The following PPP1R3A variants were observed in gnomAD, a reference collection of about 807,000 sequenced individuals.
PPP1R3A encodes RG1.
In PPP1R3A, 29 loss-of-function variants were observed where a neutral mutation model predicts 41.7. That is an observed-to-expected ratio of 0.70 (90% CI 0.52 to 0.95). The LOEUF (loss-of-function observed/expected upper bound fraction) is 0.95. PPP1R3A is among the 40% of genes least tolerant of loss of function. The pLI is 0.00. For synonymous variants in PPP1R3A, 485 were observed against 453.4 expected (o/e 1.07, Z -0.89); for missense variants, 1,352 against 1,292.4 (o/e 1.05, Z -0.71).
chr7:113,892,987 AAATAC>A (rs1796918541), intron 1 of PPP1R3A, among the ~76,000 whole-genome samples: 1 of 151,976 alleles, frequency 6.6e-6, no homozygotes, highest in Non-Finnish European at 1.5e-5. Context: ...AGAAGGCCAC[AAATAC>A]AATACACTCA....
chr7:113,910,187 C>A (rs1797220919), intron 1 of PPP1R3A, among the ~76,000 whole-genome samples: 1 of 152,000 alleles, frequency 6.6e-6, no homozygotes. Flanking sequence ...CCTGGCCCCA[C>A]CCTTAACACG....
intron 1 of PPP1R3A, among the ~76,000 whole-genome samples, chr7:113,904,105 C>T (rs1406861673): frequency 1.3e-5 from 2 of 151,682 alleles, no homozygotes; most frequent in Non-Finnish European, 2.9e-5. Flanking sequence ...GCTAACTTCT[C>T]ATGTGTACAA....
intron 1 of PPP1R3A, among the ~76,000 whole-genome samples, chr7:113,886,345 A>G (rs1796784581): frequency 6.6e-6 from 1 of 152,052 alleles, no homozygotes; most frequent in Non-Finnish European, 1.5e-5. Flanking sequence ...AATGAGTCTC[A>G]TGAGATCTGA....
chr7:113,918,172 C>G (rs1268039976), intron 1 of PPP1R3A, 43 bp downstream of exon 1: 4 of 1,520,384 alleles, frequency 2.6e-6, no homozygotes, highest in Non-Finnish European at 3.5e-6. Flanking sequence ...GACATAAAAA[C>G]TTTAAGATTG....
chr7:113,902,171 C>T (rs1230265356), intron 1 of PPP1R3A, among the ~76,000 whole-genome samples: 2 of 151,686 alleles, frequency 1.3e-5, no homozygotes, highest in Non-Finnish European at 2.9e-5. Context: ...CACCTTGTCA[C>T]CCAGGCTGGA....
At chr7:113,883,433 T>C (rs1241288190) in intron 1 of PPP1R3A, among the ~76,000 whole-genome samples, 1 of 152,020 alleles carries the variant, frequency 6.6e-6, no homozygotes, top group Non-Finnish European at 1.5e-5. Context: ...ATCCTGACCA[T>C]GCAAGAAGAT....
chr7:113,918,783 A>C lies in PPP1R3A; in HGVS notation c.214T>G (p.Phe72Val), dbSNP rs756221491. ...RRVSFADSFG[F>V]NLVSVKEFDC... ...AATTCTTTAACAGACACAAGATTGA[A>C]TCCAAAGGAATCAGCAAATGAAACT... is the stretch of plus-strand genomic sequence containing the variant. The change falls in exon 1 of 4, where the codon TTC (phenylalanine) becomes GTC (valine). Residue 72 changes from phenylalanine (F) to valine (V), a missense_variant. Phe to Val is a conservative substitution (Grantham distance 50). Coordinates refer to ENST00000284601, the MANE Select transcript of PPP1R3A (RefSeq NM_002711.4). 42 of 1,613,752 alleles carry C rather than the reference A, an allele frequency of 2.6e-5. No individual in the cohort carries two copies. The highest frequency in any genetic ancestry group is 3.5e-5 in the Non-Finnish European group (41 of 1,179,842).
intron 1 of PPP1R3A, among the ~76,000 whole-genome samples, chr7:113,909,898 G>A (rs1055679179): frequency 6.6e-6 from 1 of 152,152 alleles, no homozygotes; most frequent in Non-Finnish European, 1.5e-5. Flanking sequence ...CTTCCCAAGA[G>A]ATATGTATTA....
chr7:113,913,637 A>G (rs1797289250), intron 1 of PPP1R3A, among the ~76,000 whole-genome samples: 2 of 152,172 alleles, frequency 1.3e-5, no homozygotes, highest in African/African-American at 2.4e-5. Flanking sequence ...ATACAAAACC[A>G]GATGAACTCA....
At chr7:113,900,272 A>G (rs1797041537) in intron 1 of PPP1R3A, among the ~76,000 whole-genome samples, 1 of 151,816 alleles carries the variant, frequency 6.6e-6, no homozygotes, top group Admixed American at 6.6e-5. Flanking sequence ...ATCTCATAAA[A>G]TAAACAATCA....
chr7:113,882,345 A>T (rs758391716), intron 1 of PPP1R3A, 25 bp from the exon 2 acceptor site: 11 of 1,372,376 alleles, frequency 8.0e-6, no homozygotes, highest in Non-Finnish European at 1.0e-5. Flanking sequence ...AGAAAATGTT[A>T]TATGTTTTTC....
At chr7:113,894,748 A>G (rs1024948950) in intron 1 of PPP1R3A, among the ~76,000 whole-genome samples, 2 of 151,984 alleles carry the variant, frequency 1.3e-5, no homozygotes, top group East Asian at 1.9e-4. Flanking sequence ...TTCCATTTCA[A>G]CAAAACCTGT....
Position 113,877,698 on chromosome 7 carries a change from T to A in PPP1R3A, c.*25A>T, listed in dbSNP as rs1435658941. Reference sequence around the variant, plus strand: ...TGTTTGGGGTTAAATAGCTTATCTTTTAAGAGAGAATAGTAGTGCTGAGGT... The same window carrying A: ...TGTTTGGGGTTAAATAGCTTATCTTATAAGAGAGAATAGTAGTGCTGAGGT... On this transcript the variant is annotated 3_prime_UTR_variant, in exon 4 of 4. Transcript: ENST00000284601. 3 of 1,521,284 alleles carry A rather than the reference T, an allele frequency of 2.0e-6. No homozygotes were observed. Among genetic ancestry groups the A allele is most frequent in the Non-Finnish European group, 2.6e-6 (3 of 1,137,868 alleles). 94.2% of individuals were successfully genotyped at this position (1,521,284 alleles called of 1,614,324 possible). A position where few individuals can be genotyped will look rare whatever the true frequency, so the allele number is the denominator to read the frequency against.
Position 113,918,517 on chromosome 7 carries a change from T to A in PPP1R3A, c.480A>T (p.Arg160Ser), listed in dbSNP as rs1797379550. The A allele has an allele frequency of 1.2e-6, 2 of 1,612,936 alleles. No individual in the cohort carries two copies. Among genetic ancestry groups the A allele is most frequent in the South Asian group, 2.2e-5 (2 of 91,062 alleles). The change falls in exon 1 of 4, where the codon AGA becomes AGT. Residue 160 changes from arginine to serine, a missense_variant. By Grantham distance (110) the Arg-to-Ser change is moderately radical. Coordinates refer to ENST00000284601, the MANE Select transcript of PPP1R3A (RefSeq NM_002711.4). ...NVSFEKLVYVRMSLDDWQTHY... is the reference protein window; with the variant it reads ...NVSFEKLVYVSMSLDDWQTHY... Reference sequence around the variant, plus strand: ...GTGTCTGCCAGTCATCTAAAGACATTCTTACATATACTAACTTCTCAAAAG... The same window carrying A: ...GTGTCTGCCAGTCATCTAAAGACATACTTACATATACTAACTTCTCAAAAG...
chr7:113,878,483 G>C lies in PPP1R3A; in HGVS notation c.2609C>G (p.Pro870Arg). ...SKLDLQLGML[P>R]TDKTVFSENR... ...TTCTGAAAATACAGTTTTGTCTGTT[G>C]GTAACATTCCCAACTGTAAATCCAG... The change falls in exon 4 of 4, where the codon CCA (proline) becomes CGA (arginine). Residue 870 changes from proline to arginine, a missense_variant. Pro to Arg is a moderately radical substitution (Grantham distance 103). Transcript: ENST00000284601. The C allele has an allele frequency of 1.9e-6, 3 of 1,613,042 alleles. No individual in the cohort carries two copies. In the African/African-American group the frequency reaches 4.0e-5, roughly 22 times the overall value.
At position 113,879,253 on chromosome 7, in the gene PPP1R3A, T is replaced by A. The variant is rs776924827; in HGVS notation, c.1839A>T (p.Ile613=). 1.2e-6 allele frequency: 2 copies of A among 1,613,722 alleles called. No individual in the cohort carries two copies. Among genetic ancestry groups the A allele is most frequent in the South Asian group, 2.2e-5 (2 of 91,088 alleles). ...TTCTTGATGAACAAACTTGACCAGT[T>A]ATCCCTCCTAAAGCGCTGCCTTCAC... is the stretch of plus-strand genomic sequence containing the variant. ...LTSEGSALGG[I]TGQVCSSRTG... Residue 613 remains isoleucine (I), a synonymous_variant, in exon 4 of 4, where the codon ATA becomes ATT. Transcript: ENST00000284601.
Position 113,915,070 on chromosome 7 carries a change from C to T in PPP1R3A, c.782+3145G>A, listed in dbSNP as rs543353234. On this transcript the variant is annotated intron_variant, in intron 1 of 3. Transcript: ENST00000284601. ...TAAGTATCTCATGATGCATGCCTTTCGGTGCAATTAAATATCTTTGGGTCA... is the reference window on the plus strand; with the variant it reads ...TAAGTATCTCATGATGCATGCCTTTTGGTGCAATTAAATATCTTTGGGTCA... Among the ~76,000 whole-genome samples, 12 of 152,112 alleles carry T rather than the reference C, an allele frequency of 7.9e-5. No individual in the cohort carries two copies. The South Asian group carries it at 1.7e-3, about 21-fold the overall frequency.
At chr7:113,914,307 A>C (rs893292709) in intron 1 of PPP1R3A, among the ~76,000 whole-genome samples, 1 of 152,178 alleles carries the variant, frequency 6.6e-6, no homozygotes, top group Non-Finnish European at 1.5e-5. Context: ...CCACATAGCT[A>C]CTAAGTGTAA....
chr7:113,898,685 C>A (rs1797014980), intron 1 of PPP1R3A, among the ~76,000 whole-genome samples: 1 of 151,778 alleles, frequency 6.6e-6, no homozygotes, highest in South Asian at 2.1e-4. Flanking sequence ...AAGACTTAAG[C>A]AAATACTAAC....
Sources: gnomAD v4.1 joint callset for allele counts (sites outside exome capture counted in the v4.1 genomes callset) on GRCh38, gnomAD v4.1.1 for gene constraint, MANE v1.5 for transcripts, NCBI Gene and HGNC (gene_info 2026-07-23, HGNC 2026-07-21) for gene names.